The following ZNF618 variants were observed in gnomAD, a reference collection of about 807,000 sequenced individuals.
ZNF618 encodes zinc finger protein 618, also known as neural precursor cell expressed, developmentally down-regulated 10.
In ZNF618, 34 loss-of-function variants were observed where a neutral mutation model predicts 103.0. That is an observed-to-expected ratio of 0.33 (90% CI 0.25 to 0.44). The LOEUF is 0.44. Ranked by LOEUF, ZNF618 falls within the 20% of genes least tolerant of loss-of-function variation. The pLI is 1.00. For missense variants in ZNF618, 1,059 were observed against 1,295.4 expected (o/e 0.82, Z 2.80); for synonymous variants, 551 against 542.2 (o/e 1.02, Z -0.23).
At chr9:113,973,082 AAAAG>A (rs1229504731) in intron 2 of ZNF618, among the ~76,000 whole-genome samples, 1 of 152,154 alleles carries the variant, frequency 6.6e-6, no homozygotes, top group Non-Finnish European at 1.5e-5. Flanking sequence ...GTCTCAAAAA[AAAAG>A]AGAGAACATT....
intron 1 of ZNF618, among the ~76,000 whole-genome samples, chr9:113,907,745 A>G (rs1254549783): frequency 6.6e-6 from 1 of 152,168 alleles, no homozygotes; most frequent in Admixed American, 6.5e-5. Context: ...CTCCCCAGGC[A>G]ATGCTTCCAC....
chr9:113,993,873 C>G (rs751270716), intron 3 of ZNF618, among the ~76,000 whole-genome samples: 1 of 117,700 alleles, frequency 8.5e-6, no homozygotes, highest in Non-Finnish European at 1.9e-5. Flanking sequence ...CTAGCCAATA[C>G]GGAGAAGTCT....
At chr9:113,919,915 C>G (rs1426419919) in intron 1 of ZNF618, among the ~76,000 whole-genome samples, 1 of 152,220 alleles carries the variant, frequency 6.6e-6, no homozygotes, top group East Asian at 1.9e-4. Context: ...TTCGCGTCAC[C>G]CCAGGCTCAC....
At chr9:114,025,472 T>C (rs1843410262) in intron 10 of ZNF618, among the ~76,000 whole-genome samples, 1 of 152,262 alleles carries the variant, frequency 6.6e-6, no homozygotes, top group Non-Finnish European at 1.5e-5. Context: ...TAGATATCTC[T>C]TGTGTGTAGA....
At chr9:113,899,040 C>G (rs568565046) in intron 1 of ZNF618, among the ~76,000 whole-genome samples, 1 of 152,072 alleles carries the variant, frequency 6.6e-6, no homozygotes, top group South Asian at 2.1e-4. Context: ...CATGATGTCC[C>G]GTGATTTGTC....
intron 1 of ZNF618, among the ~76,000 whole-genome samples, chr9:113,968,434 TA>T (rs968816321): frequency 8.5e-5 from 13 of 152,244 alleles, no homozygotes; most frequent in Admixed American, 2.0e-4. Flanking sequence ...AAGATCTAGG[TA>T]TTGTTCCCAG....
intron 1 of ZNF618, among the ~76,000 whole-genome samples, chr9:113,929,858 A>G (rs1361830488): frequency 1.3e-5 from 2 of 152,174 alleles, no homozygotes; most frequent in African/African-American, 4.8e-5. Flanking sequence ...CTTTGTCTTT[A>G]TTGTTGCTTT....
intron 1 of ZNF618, among the ~76,000 whole-genome samples, chr9:113,927,663 A>G (rs1833226540): frequency 6.6e-6 from 1 of 152,184 alleles, no homozygotes; most frequent in African/African-American, 2.4e-5. Context: ...GAGGGGTTGG[A>G]GAAGGACATT....
intron 1 of ZNF618, among the ~76,000 whole-genome samples, chr9:113,895,743 A>T (rs957196845): frequency 6.6e-6 from 1 of 152,044 alleles, no homozygotes; most frequent in Non-Finnish European, 1.5e-5. Context: ...TGCATGCCAG[A>T]TGTTTATTTG....
chr9:113,998,235 T>C (rs908066378), intron 3 of ZNF618, 24 bp from the exon 4 acceptor site: 9 of 1,549,232 alleles, frequency 5.8e-6, no homozygotes, highest in African/African-American at 5.5e-5. Flanking sequence ...TTAAGGGCTC[T>C]TTCTGATTTC....
intron 6 of ZNF618, 135 bp downstream of exon 6, chr9:114,002,797 G>A (rs1588300823): frequency 2.1e-6 from 2 of 954,570 alleles, no homozygotes; most frequent in Non-Finnish European, 1.5e-6. Flanking sequence ...CCAAGCTTGG[G>A]GGCCAGACCA....
At chr9:114,032,545 C>A in intron 11 of ZNF618, 100 bp from the exon 12 acceptor site, 3 of 1,080,532 alleles carry the variant, frequency 2.8e-6, no homozygotes, top group Non-Finnish European at 4.3e-6. Context: ...AGCTAGTTGG[C>A]CCAGCAGAGT....
At chr9:114,016,109 C>T in intron 9 of ZNF618, 1 of 1,606,094 alleles carries the variant, frequency 6.2e-7, no homozygotes. Context: ...TAATTTTCCC[C>T]CAGTGAACAA....
chr9:113,994,398 A>G (rs1422673329), intron 3 of ZNF618, among the ~76,000 whole-genome samples: 1 of 152,144 alleles, frequency 6.6e-6, no homozygotes, highest in African/African-American at 2.4e-5. Context: ...TGCTGCAGCC[A>G]CTCGGAAAGG....
intron 1 of ZNF618, among the ~76,000 whole-genome samples, chr9:113,883,792 C>T (rs1380928035): frequency 1.3e-5 from 2 of 152,088 alleles, no homozygotes; most frequent in Non-Finnish European, 2.9e-5. Flanking sequence ...CAGGATGCCC[C>T]TTACAGTAGA....
At chr9:114,036,170 TG>T in intron 12 of ZNF618, 129 bp from the exon 13 acceptor site, 1 of 759,406 alleles carries the variant, frequency 1.3e-6, no homozygotes, top group Non-Finnish European at 2.2e-6. Context: ...GCAGGCAGGC[TG>T]GGCCCGGAGC....
At chr9:114,020,692 T>C (rs1842997593) in intron 10 of ZNF618, among the ~76,000 whole-genome samples, 1 of 152,108 alleles carries the variant, frequency 6.6e-6, no homozygotes, top group Non-Finnish European at 1.5e-5. Flanking sequence ...TTCTAATAGA[T>C]TTTTTTAGAT....
At chr9:113,888,383 A>G (rs2130952808) in intron 1 of ZNF618, among the ~76,000 whole-genome samples, 1 of 152,384 alleles carries the variant, frequency 6.6e-6, no homozygotes, top group South Asian at 2.1e-4. Context: ...CCAGCTCCCC[A>G]TGAGCCTCAG....
At chr9:113,973,084 AAGAG>A (rs944865493) in intron 2 of ZNF618, among the ~76,000 whole-genome samples, 1 of 152,174 alleles carries the variant, frequency 6.6e-6, no homozygotes, top group Admixed American at 6.5e-5. Context: ...CTCAAAAAAA[AAGAG>A]AGAACATTGT....
Sources: gnomAD v4.1 joint callset for allele counts (sites outside exome capture counted in the v4.1 genomes callset) on GRCh38, gnomAD v4.1.1 for gene constraint, MANE v1.5 for transcripts, NCBI Gene and HGNC (gene_info 2026-07-23, HGNC 2026-07-21) for gene names.